The following PTPRM variants were observed in gnomAD, a reference collection of about 807,000 sequenced individuals.
The protein encoded by PTPRM is protein tyrosine phosphatase receptor type M.
Under a neutral mutation model 186.7 loss-of-function variants are expected in PTPRM, and 47 were observed. That is an observed-to-expected ratio of 0.25 (90% CI 0.20 to 0.32). The LOEUF (loss-of-function observed/expected upper bound fraction) is 0.32. PTPRM is among the 10% of genes least tolerant of loss of function. The probability of loss-of-function intolerance (pLI) is 1.00; values close to 1 mark genes in which losing one functional copy is unlikely to be tolerated. For synonymous variants in PTPRM, 668 were observed against 674.9 expected, an observed-to-expected ratio of 0.99 and a Z score of 0.16; for missense variants, 1,494 against 1,865.0, an observed-to-expected ratio of 0.80 and a Z score of 3.66.
chr18:7,656,828 A>G (rs1309058274), intron 1 of PTPRM, among the ~76,000 whole-genome samples: 2 of 152,028 alleles, frequency 1.3e-5, no homozygotes, highest in East Asian at 3.9e-4. Context: ...CATCCTCAAA[A>G]TTTGTCCTCC....
intron 1 of PTPRM, among the ~76,000 whole-genome samples, chr18:7,658,025 A>G (rs1005668678): frequency 3.9e-5 from 6 of 152,134 alleles, no homozygotes; most frequent in Non-Finnish European, 8.8e-5. Context: ...GTTACCTTTT[A>G]TTATTTGTGG....
intron 2 of PTPRM, among the ~76,000 whole-genome samples, chr18:7,885,849 A>G (rs1342299400): frequency 1.3e-5 from 2 of 152,170 alleles, no homozygotes; most frequent in African/African-American, 4.8e-5. Flanking sequence ...TAGTAAAATA[A>G]CAGTTTTGGA....
chr18:7,690,534 A>G (rs1272002532), intron 1 of PTPRM, among the ~76,000 whole-genome samples: 5 of 152,148 alleles, frequency 3.3e-5, no homozygotes, highest in African/African-American at 4.8e-5. Flanking sequence ...GCTCAGGCCT[A>G]TTCTTGGCAA....
chr18:7,792,443 G>T (rs1598736871), intron 2 of PTPRM, among the ~76,000 whole-genome samples: 1 of 152,068 alleles, frequency 6.6e-6, no homozygotes, highest in Non-Finnish European at 1.5e-5. Context: ...TCAGTGCCGG[G>T]TGGTTTTGCC....
In PTPRM at chr18:8,199,402, G is replaced by A. The variant is rs550638064; in HGVS notation, c.2301-44656G>A. On this transcript the variant is annotated intron_variant, in intron 14 of 32. Coordinates refer to ENST00000580170, the MANE Select transcript of PTPRM (RefSeq NM_001105244.2). ...TTCACAGGTCTTGGGAAGAAAAAGAGAACGTTTACACCCTGAATAACATTG... is the reference window on the plus strand; with the variant it reads ...TTCACAGGTCTTGGGAAGAAAAAGAAAACGTTTACACCCTGAATAACATTG... Among the ~76,000 whole-genome samples, 27 of 152,266 alleles carry A rather than the reference G, an allele frequency of 1.8e-4. No homozygotes were observed. In the South Asian group the frequency reaches 5.6e-3, roughly 32 times the overall value.
intron 2 of PTPRM, among the ~76,000 whole-genome samples, chr18:7,881,305 C>T (rs184791658): frequency 2.0e-5 from 3 of 152,092 alleles, no homozygotes; most frequent in African/African-American, 4.8e-5. Context: ...CACAGTGGTG[C>T]GTGCTTGTAA....
intron 7 of PTPRM, among the ~76,000 whole-genome samples, chr18:7,969,582 G>T (rs2054392612): frequency 6.8e-6 from 1 of 147,000 alleles, no homozygotes; most frequent in Non-Finnish European, 1.5e-5. Flanking sequence ...AAGAAAAAAA[G>T]AGAGAAGAAT....
Position 8,069,900 on chromosome 18 carries a change from G to A in PTPRM, c.1347G>A (p.Leu449=). 1.2e-6 allele frequency: 2 copies of A among 1,613,914 alleles called. No homozygotes were observed. The highest frequency in any genetic ancestry group is 1.7e-6 in the Non-Finnish European group (2 of 1,179,850). The change falls in exon 8 of 33, where the codon CTG becomes CTA. Residue 449 remains leucine (L), a synonymous_variant. Transcript: ENST00000580170. ...NSHPQHTITN[L]SPYTNVSVKL... ...ACCCTCAACACACGATCACTAACCT[G>A]TCACCATACACCAATGTCAGTGTGA...
intron 2 of PTPRM, among the ~76,000 whole-genome samples, chr18:7,835,022 C>G (rs1382262987): frequency 3.4e-5 from 3 of 87,274 alleles, no homozygotes; most frequent in Admixed American, 2.6e-4. Flanking sequence ...TTTAGTCTGG[C>G]TAAATGTTTG....
At chr18:8,238,169 T>C (rs1224891122) in intron 14 of PTPRM, among the ~76,000 whole-genome samples, 1 of 152,236 alleles carries the variant, frequency 6.6e-6, no homozygotes, top group East Asian at 1.9e-4. Flanking sequence ...AGGAAATAGT[T>C]ATTATTGCTT....
At chr18:7,817,089 C>T (rs1427295187) in intron 2 of PTPRM, among the ~76,000 whole-genome samples, 1 of 151,732 alleles carries the variant, frequency 6.6e-6, no homozygotes, top group Non-Finnish European at 1.5e-5. Context: ...ATTCTCTTGC[C>T]TCAGCCTCCC....
chr18:8,130,474 C>G (rs1166008993), intron 13 of PTPRM, among the ~76,000 whole-genome samples: 1 of 152,158 alleles, frequency 6.6e-6, no homozygotes, highest in Non-Finnish European at 1.5e-5. Flanking sequence ...GAATGAAATG[C>G]AACATTTGCA....
chr18:7,587,209 A>G (rs1013090473), intron 1 of PTPRM, among the ~76,000 whole-genome samples: 1 of 152,200 alleles, frequency 6.6e-6, no homozygotes, highest in Non-Finnish European at 1.5e-5. Context: ...TGTTTCAGAA[A>G]TCAACTGGGC....
At chr18:7,737,773 G>T (rs1460777473) in intron 1 of PTPRM, among the ~76,000 whole-genome samples, 3 of 152,148 alleles carry the variant, frequency 2.0e-5, no homozygotes, top group Admixed American at 6.5e-5. Flanking sequence ...TGAGAATCTG[G>T]CATTCTCAGC....
At chr18:7,635,139 A>G (rs1245022412) in intron 1 of PTPRM, among the ~76,000 whole-genome samples, 1 of 152,186 alleles carries the variant, frequency 6.6e-6, no homozygotes, top group East Asian at 1.9e-4. Flanking sequence ...GTGCCCCCCA[A>G]AATTATGCCA....
rs1555616839 is a variant in PTPRM at position 7,842,887 on chromosome 18, G to GTATA, written c.197-45209_197-45206dup. ...ATATATATATATATGTTTCTCGTGT[G>GTATA]TATATATATATATGTTTCTCATATG... On this transcript the variant is annotated intron_variant, in intron 2 of 32. Transcript: ENST00000580170. 7.1e-5 allele frequency among the ~76,000 whole-genome samples: 9 copies of GTATA among 127,212 alleles called. No individual in the cohort carries two copies. The East Asian group carries it at 9.4e-4, about 13-fold the overall frequency. The allele number at this position is 127,212 out of a possible 152,430, so 83.5% of individuals were successfully genotyped here.
chr18:8,139,358 A>G (rs1568407200), intron 13 of PTPRM, among the ~76,000 whole-genome samples: 1 of 152,130 alleles, frequency 6.6e-6, no homozygotes, highest in Non-Finnish European at 1.5e-5. Context: ...TGCCACCTGC[A>G]CTGCTACCTT....
chr18:7,919,207 A>T (rs564295050), intron 4 of PTPRM, among the ~76,000 whole-genome samples: 1 of 152,210 alleles, frequency 6.6e-6, no homozygotes, highest in African/African-American at 2.4e-5. Flanking sequence ...TTTATACTAC[A>T]TTTTGAAATC....
intron 22 of PTPRM, among the ~76,000 whole-genome samples, chr18:8,327,508 A>G (rs555117697): frequency 6.6e-6 from 1 of 152,344 alleles, no homozygotes; most frequent in African/African-American, 2.4e-5. Context: ...GTGAGTTGGC[A>G]TAAAACATAA....
Sources: allele counts gnomAD v4.1 joint callset (sites outside exome capture counted in the v4.1 genomes callset), GRCh38; gene constraint gnomAD v4.1.1; transcripts MANE v1.5; gene names NCBI Gene and HGNC (gene_info 2026-07-23, HGNC 2026-07-21).